The following IDH3B variants were observed in gnomAD, a reference collection of about 807,000 sequenced individuals.
IDH3B encodes the protein isocitrate dehydrogenase (NAD(+)) 3 non-catalytic subunit beta, also known as isocitrate dehydrogenase [NAD] subunit beta, mitochondrial.
IDH3B carries 40 observed loss-of-function variants against 47.5 expected under a neutral mutation model. The observed-to-expected ratio is 0.84, with a 90% CI of 0.65 to 1.10. The LOEUF is 1.10. Among genes scored for constraint, IDH3B ranks in the 50% least tolerant of loss-of-function variants. IDH3B has a pLI of 0.00. For synonymous variants in IDH3B, 185 were observed against 191.0 expected, an observed-to-expected ratio of 0.97 and a Z score of 0.26; for missense variants, 450 against 505.2, an observed-to-expected ratio of 0.89 and a Z score of 1.05.
Position 2,660,834 on chromosome 20 carries a change from G to A in IDH3B, c.399-5C>T, listed in dbSNP as rs916503427. 1.2e-6 allele frequency: 2 copies of A among 1,614,056 alleles called. No individual in the cohort carries two copies. The highest frequency in any genetic ancestry group is 1.7e-6 in the Non-Finnish European group (2 of 1,180,054). On this transcript the variant is annotated splice_polypyrimidine_tract_variant and splice_region_variant and intron_variant, in intron 5 of 11. Coordinates refer to ENST00000380843, the MANE Select transcript of IDH3B (RefSeq NM_006899.5). The surrounding 1 kb of genome is among the most constrained non-coding windows in gnomAD (Gnocchi z 5.6). ...GCAAATAAGTCCAACTTACGCCTGAGGGTGGGCAGGGCCATCAGCTCTGCT... is the reference window on the plus strand; with the variant it reads ...GCAAATAAGTCCAACTTACGCCTGAAGGTGGGCAGGGCCATCAGCTCTGCT...
chr20:2,662,411 G>C (rs974378357), intron 4 of IDH3B, among the ~76,000 whole-genome samples: 7 of 152,186 alleles, frequency 4.6e-5, no homozygotes, highest in African/African-American at 1.7e-4. Context: ...CTATGGTAAG[G>C]CTGGGCCTGG....
intron 11 of IDH3B, chr20:2,659,109 C>CGAGCAGGCAAAGATGATGGGAAATGCAGA (rs60717353): frequency 1.5e-5 from 22 of 1,435,630 alleles, no homozygotes; most frequent in African/African-American, 4.3e-5. Context: ...ATGTGGCTAC[C>CGAGCAGGCAAAGATGATGGGAAATGCAGA]TTCCTTGGAA....
At position 2,658,662 on chromosome 20, in the gene IDH3B, G is replaced by A. The variant is rs2086868066; in HGVS notation, c.*89C>T. The A allele has an allele frequency of 1.2e-6, 2 of 1,613,794 alleles. No homozygotes were observed. Among genetic ancestry groups the A allele is most frequent in the Non-Finnish European group, 1.7e-6 (2 of 1,179,742 alleles). On this transcript the variant is annotated 3_prime_UTR_variant, in exon 12 of 12. Transcript: ENST00000380843. ...CCCAGCAAGGTGACCATGGTCCACT[G>A]CTTAGAGGCACAAGGTCTCTTCCCT...
chr20:2,661,973 C>CA (rs1568550053), intron 4 of IDH3B, among the ~76,000 whole-genome samples: 1 of 151,962 alleles, frequency 6.6e-6, no homozygotes. Flanking sequence ...AAAATGATAC[C>CA]GAGACAGAGA....
rs6107100 is a variant in IDH3B at position 2,664,039 on chromosome 20, C to A, written c.37-34G>T. The A allele has an allele frequency of 0.11, 170,443 of 1,612,784 alleles. 13,565 individuals carry two copies. The highest frequency in any genetic ancestry group is 0.39 in the African/African-American group (29,343 of 74,940). ...GGGACACACAAGCCTGTAAGGTCAG[C>A]TTTGAGACATCCAGACCCCGAACAC... On this transcript the variant is annotated intron_variant, in intron 1 of 11. Coordinates refer to ENST00000380843, the MANE Select transcript of IDH3B (RefSeq NM_006899.5).
In IDH3B at chr20:2,660,114, A is replaced by G. The variant is rs1600168446; in HGVS notation, c.831T>C (p.Ile277=). 1.2e-6 allele frequency: 2 copies of G among 1,614,142 alleles called. No homozygotes were observed. The highest frequency in any genetic ancestry group is 1.7e-6 in the Non-Finnish European group (2 of 1,180,008). The part of the protein sequence containing the change: ...LVMPNLYGNI[I]DNLAAGLVGG... ...CAACCAGGCCAGCAGCCAGATTGTC[A>G]ATAATGTTCCCATAGAGATTGGGCA... Residue 277 remains isoleucine (I), a synonymous_variant, in exon 9 of 12, where the codon ATT becomes ATC. Transcript: ENST00000380843. This position sits in a 1 kb window ranked among gnomAD's most constrained non-coding sequence, Gnocchi z 5.6.
At position 2,660,122 on chromosome 20, in the gene IDH3B, TC is replaced by T; in HGVS notation, c.822del (p.Asn275ThrfsTer45). 6.2e-7 allele frequency: 1 copy of T among 1,614,024 alleles called. No individual in the cohort carries two copies. Among genetic ancestry groups the T allele is most frequent in the South Asian group, 1.1e-5 (1 of 91,066 alleles). ...CCAGCAGCCAGATTGTCAATAATGT[TC>T]CCATAGAGATTGGGCATCACAAGCA... ...FDVLVMPNLY[G>X]NIIDNLAAGL... On this transcript the variant is annotated frameshift_variant, in exon 9 of 12. Transcript: ENST00000380843. LOFTEE classifies it high-confidence loss of function. This position sits in a 1 kb window ranked among gnomAD's most constrained non-coding sequence, Gnocchi z 5.6.
chr20:2,660,248 G>T lies in IDH3B; in HGVS notation c.768+15C>A, dbSNP rs201397321. The T allele has an allele frequency of 6.2e-7, 1 of 1,613,822 alleles. No individual in the cohort carries two copies. ...CCTCCTCCGCCCCATGAGTAGAGAT[G>T]TGGGGAGGCCTCACCTGCATGCAGC... On this transcript the variant is annotated intron_variant, in intron 8 of 11. Coordinates refer to ENST00000380843, the MANE Select transcript of IDH3B (RefSeq NM_006899.5). This position sits in a 1 kb window ranked among gnomAD's most constrained non-coding sequence, Gnocchi z 5.6.
intron 10 of IDH3B, 46 bp downstream of exon 10, chr20:2,659,653 C>T (rs759408144): frequency 6.2e-7 from 1 of 1,608,262 alleles, no homozygotes; most frequent in South Asian, 1.1e-5. Context: ...CCCACCTGCT[C>T]CTCCTCACGA....
At position 2,658,472 on chromosome 20, in the gene IDH3B, C is replaced by A. The variant is rs2086861783; in HGVS notation, c.*279G>T. 3 of 1,614,010 alleles carry A rather than the reference C, an allele frequency of 1.9e-6. No homozygotes were observed. The highest frequency in any genetic ancestry group is 2.5e-6 in the Non-Finnish European group (3 of 1,180,030). On this transcript the variant is annotated 3_prime_UTR_variant, in exon 12 of 12. Coordinates refer to ENST00000380843, the MANE Select transcript of IDH3B (RefSeq NM_006899.5). Reference sequence around the variant, plus strand: ...GGTGGGGCAAGGCAGCAATGACAGCCTCAGTGAAGTCATGGCAAGTAGCAT... The same window carrying A: ...GGTGGGGCAAGGCAGCAATGACAGCATCAGTGAAGTCATGGCAAGTAGCAT...
rs549032456 is a variant in IDH3B at position 2,658,425 on chromosome 20, A to G, written c.*326T>C. 9.3e-6 allele frequency: 15 copies of G among 1,613,952 alleles called. No homozygotes were observed. Among genetic ancestry groups the G allele is most frequent in the East Asian group, 2.2e-5 (1 of 44,882 alleles). On this transcript the variant is annotated 3_prime_UTR_variant, in exon 12 of 12. Coordinates refer to ENST00000380843, the MANE Select transcript of IDH3B (RefSeq NM_006899.5). ...TCATGTTCTTTATTGAACACCTTAC[A>G]TGGGTATGGACAGGGCCTATGGGTG...
At chr20:2,662,737 A>G (rs2086970089) in intron 4 of IDH3B, among the ~76,000 whole-genome samples, 1 of 151,950 alleles carries the variant, frequency 6.6e-6, no homozygotes, top group Non-Finnish European at 1.5e-5. Context: ...GGCAGATCAC[A>G]AGGTCAGGAG....
chr20:2,660,421 C>G lies in IDH3B; in HGVS notation c.665+36G>C. On this transcript the variant is annotated intron_variant, in intron 7 of 11. Coordinates refer to ENST00000380843, the MANE Select transcript of IDH3B (RefSeq NM_006899.5). The surrounding 1 kb of genome is among the most constrained non-coding windows in gnomAD (Gnocchi z 5.6). ...CCAAGAAAGTACAGGGGCTACCTTC[C>G]CAGGAACCCATCCTACACAAAGCCA... 6.2e-7 allele frequency: 1 copy of G among 1,614,058 alleles called. No homozygotes were observed. The highest frequency in any genetic ancestry group is 8.5e-7 in the Non-Finnish European group (1 of 1,179,994).
Position 2,663,706 on chromosome 20 carries a change from T to A in IDH3B, c.170A>T (p.Asp57Val). ...GTGCATCAGCTCAGGCCCCACACCGTCTCCCGGAAGCATGGTCACGGGAAA... is the reference window on the plus strand; with the variant it reads ...GTGCATCAGCTCAGGCCCCACACCGACTCCCGGAAGCATGGTCACGGGAAA... ...GSFPVTMLPGDGVGPELMHAV... is the reference protein window; with the variant it reads ...GSFPVTMLPGVGVGPELMHAV... The change falls in exon 3 of 12, where the codon GAC becomes GTC. Residue 57 changes from aspartate (D) to valine (V), a missense_variant. Transcript: ENST00000380843. 1 of 1,613,998 alleles carries A rather than the reference T, an allele frequency of 6.2e-7. No individual in the cohort carries two copies. The highest frequency in any genetic ancestry group is 8.5e-7 in the Non-Finnish European group (1 of 1,180,018).
At chr20:2,664,081 C>T (rs2087003671) in intron 1 of IDH3B, 72 bp downstream of exon 1, 1 of 1,609,704 alleles carries the variant, frequency 6.2e-7, no homozygotes, top group Admixed American at 1.7e-5. Context: ...TGACTTTGCC[C>T]TGTTTAGGAA....
chr20:2,658,955 A>C, intron 11 of IDH3B, 118 bp from the exon 12 acceptor site: 1 of 1,516,772 alleles, frequency 6.6e-7, no homozygotes, highest in Non-Finnish European at 8.8e-7. Flanking sequence ...GAAAAAAGGC[A>C]ATGCACAGGA....
intron 4 of IDH3B, among the ~76,000 whole-genome samples, chr20:2,661,340 G>C (rs2086945065): frequency 6.6e-6 from 1 of 152,156 alleles, no homozygotes; most frequent in Non-Finnish European, 1.5e-5. Context: ...GGGATTACAG[G>C]CATGTGCCAC....
chr20:2,658,918 A>G, intron 11 of IDH3B, 81 bp from the exon 12 acceptor site: 1 of 1,598,162 alleles, frequency 6.3e-7, no homozygotes, highest in Non-Finnish European at 8.5e-7. Flanking sequence ...GATTGAGGAA[A>G]TGGAAGCCAA....
intron 4 of IDH3B, among the ~76,000 whole-genome samples, chr20:2,662,467 T>C (rs953256618): frequency 1.3e-5 from 2 of 152,044 alleles, no homozygotes; most frequent in Admixed American, 6.5e-5. Context: ...AGATGAACTA[T>C]AGGGGCAGAA....
Sources: gnomAD v4.1 joint callset for allele counts (sites outside exome capture counted in the v4.1 genomes callset) on GRCh38, gnomAD v4.1.1 for gene constraint, Gnocchi (gnomAD v3.1) non-coding constraint, MANE v1.5 for transcripts, NCBI Gene and HGNC (gene_info 2026-07-23, HGNC 2026-07-21) for gene names.